The following DDR2 variants were observed in gnomAD, a reference collection of about 807,000 sequenced individuals.
DDR2 encodes discoidin domain-containing receptor 2.
DDR2 carries 27 observed loss-of-function variants against 94.9 expected under a neutral mutation model. The ratio of observed to expected loss-of-function variants is 0.28; its 90% confidence interval spans 0.21 to 0.39. DDR2 has a LOEUF of 0.39. DDR2 is among the 10% of genes least tolerant of loss of function. The pLI is 1.00. For synonymous variants in DDR2, 382 were observed against 377.2 expected (o/e 1.01, Z -0.15); for missense variants, 783 against 1,076.0 (o/e 0.73, Z 3.81).
chr1:162,656,242 C>T (rs1346884759), intron 2 of DDR2, among the ~76,000 whole-genome samples: 1 of 152,168 alleles, frequency 6.6e-6, no homozygotes, highest in African/African-American at 2.4e-5. Context: ...GGAGGATGCT[C>T]AGCGAGAGCC....
rs370670058 is a variant in DDR2, at chr1:162,728,004, A to ATATATC, written c.82+8864_82+8865insCTATAT. ...ATATAATCACACTATATATATCTATATATATATAGATATAATCACACTATA... is the reference window on the plus strand; with the variant it reads ...ATATAATCACACTATATATATCTATATATATCTATATATAGATATAATCACACTATA... On this transcript the variant is annotated intron_variant, in intron 3 of 17. Coordinates refer to ENST00000367921, the MANE Select transcript of DDR2 (RefSeq NM_006182.4). Among the ~76,000 whole-genome samples the ATATATC allele has an allele frequency of 3.6e-3, 490 of 134,912 alleles. 10 individuals are homozygous for ATATATC. The highest frequency in any genetic ancestry group is 0.014 in the East Asian group (55 of 3,936). The allele number at this position is 134,912 out of a possible 152,430, so 88.5% of individuals were successfully genotyped here. A position where few individuals can be genotyped will look rare whatever the true frequency, so the allele number is the denominator to read the frequency against.
chr1:162,651,019 G>A (rs781067087), intron 1 of DDR2, among the ~76,000 whole-genome samples: 11 of 151,970 alleles, frequency 7.2e-5, no homozygotes, highest in Admixed American at 3.9e-4. Flanking sequence ...ATGAACCACC[G>A]CACCCAGCCC....
intron 1 of DDR2, among the ~76,000 whole-genome samples, chr1:162,637,697 A>T (rs907144832): frequency 2.2e-4 from 34 of 152,138 alleles, no homozygotes; most frequent in Admixed American, 4.6e-4. Context: ...TATTAGAAAA[A>T]TTTTTTTTCT....
intron 2 of DDR2, among the ~76,000 whole-genome samples, chr1:162,715,355 G>A (rs1272887992): frequency 6.6e-6 from 1 of 152,168 alleles, no homozygotes; most frequent in Non-Finnish European, 1.5e-5. Flanking sequence ...TTTAGAGCAT[G>A]TAACAATCAA....
intron 3 of DDR2, among the ~76,000 whole-genome samples, chr1:162,732,835 C>T (rs1387676493): frequency 6.6e-6 from 1 of 152,240 alleles, no homozygotes; most frequent in African/African-American, 2.4e-5. Context: ...ATGGAACAAG[C>T]AGCCCTTTCA....
intron 3 of DDR2, among the ~76,000 whole-genome samples, chr1:162,751,011 A>T (rs528378370): frequency 6.6e-6 from 1 of 152,378 alleles, no homozygotes; most frequent in South Asian, 2.1e-4. Context: ...TGGATCAAAG[A>T]CTTAAATGTT....
intron 2 of DDR2, among the ~76,000 whole-genome samples, chr1:162,670,823 G>T (rs1329573804): frequency 2.0e-5 from 3 of 152,180 alleles, no homozygotes; most frequent in Non-Finnish European, 4.4e-5. Flanking sequence ...TCTCTGATTT[G>T]CCAGAAGAAA....
At chr1:162,720,834 A>G (rs886746905) in intron 3 of DDR2, among the ~76,000 whole-genome samples, 4 of 152,162 alleles carry the variant, frequency 2.6e-5, no homozygotes, top group Non-Finnish European at 4.4e-5. Context: ...TGTCCTCTTC[A>G]TAGCATAAGG....
intron 2 of DDR2, among the ~76,000 whole-genome samples, chr1:162,664,247 C>G (rs1420752732): frequency 6.6e-6 from 1 of 152,090 alleles, no homozygotes; most frequent in Non-Finnish European, 1.5e-5. Context: ...AATAAAAACT[C>G]TAGTAATTCT....
Position 162,648,673 on chromosome 1 carries a change from C to T in DDR2, c.-191-6538C>T, listed in dbSNP as rs1342601625. ...AAAAAGAAGGTTGCTTTCGGTAGTC[C>T]AGATGTGAAGGGACAGGGTTTAGAC... On this transcript the variant is annotated intron_variant, in intron 1 of 17. Coordinates refer to ENST00000367921, the MANE Select transcript of DDR2 (RefSeq NM_006182.4). Among the ~76,000 whole-genome samples the T allele has an allele frequency of 3.9e-5, 6 of 152,156 alleles. No individual in the cohort carries two copies. The South Asian group carries it at 6.3e-4, about 16-fold the overall frequency.
chr1:162,750,604 C>T (rs1186283973), intron 3 of DDR2, among the ~76,000 whole-genome samples: 1 of 152,162 alleles, frequency 6.6e-6, no homozygotes, highest in African/African-American at 2.4e-5. Flanking sequence ...CATCCCCCAT[C>T]AAGCTACCAA....
At chr1:162,681,955 A>G (rs191158518) in intron 2 of DDR2, among the ~76,000 whole-genome samples, 99 of 152,324 alleles carry the variant, frequency 6.5e-4, no homozygotes, top group African/African-American at 2.2e-3. Flanking sequence ...CTTCATTCAA[A>G]GGAAGAAGGT....
chr1:162,719,680 A>C (rs1256388541), intron 3 of DDR2, among the ~76,000 whole-genome samples: 1 of 152,186 alleles, frequency 6.6e-6, no homozygotes, highest in Non-Finnish European at 1.5e-5. Context: ...TTTGTATTAC[A>C]TGCATTTTTA....
intron 15 of DDR2, 88 bp downstream of exon 15, chr1:162,775,931 A>G (rs1647526394): frequency 6.4e-7 from 1 of 1,558,160 alleles, no homozygotes; most frequent in Non-Finnish European, 8.8e-7. Context: ...CTTAAAGTGT[A>G]TCAATGTTCT....
intron 2 of DDR2, among the ~76,000 whole-genome samples, chr1:162,701,616 C>T (rs1176351500): frequency 6.6e-6 from 1 of 152,198 alleles, no homozygotes; most frequent in Non-Finnish European, 1.5e-5. Context: ...GTTATCTAAA[C>T]CAATATCCTA....
chr1:162,685,467 G>A (rs925125842), intron 2 of DDR2, among the ~76,000 whole-genome samples: 3 of 152,114 alleles, frequency 2.0e-5, no homozygotes, highest in Non-Finnish European at 4.4e-5. Context: ...TAGCTTTTTA[G>A]ACTGGGAGGC....
intron 3 of DDR2, among the ~76,000 whole-genome samples, chr1:162,739,723 C>A (rs1446743334): frequency 6.6e-6 from 1 of 152,132 alleles, no homozygotes; most frequent in African/African-American, 2.4e-5. Context: ...CTAAAAGATA[C>A]ATGGGAAAAG....
chr1:162,638,539 G>T (rs1385336950), intron 1 of DDR2, among the ~76,000 whole-genome samples: 1 of 152,162 alleles, frequency 6.6e-6, no homozygotes, highest in East Asian at 1.9e-4. Flanking sequence ...TCCATTTCTT[G>T]CTGGAAGTAA....
intron 1 of DDR2, among the ~76,000 whole-genome samples, chr1:162,647,385 T>G (rs1214911458): frequency 6.6e-6 from 1 of 152,180 alleles, no homozygotes; most frequent in Non-Finnish European, 1.5e-5. Context: ...TCAATATGGA[T>G]TTGTTACCGG....
Sources: allele counts gnomAD v4.1 joint callset (sites outside exome capture counted in the v4.1 genomes callset), GRCh38; gene constraint gnomAD v4.1.1; transcripts MANE v1.5; gene names NCBI Gene and HGNC (gene_info 2026-07-23, HGNC 2026-07-21).